Variants in NADK observed in about 807,000 individuals in gnomAD.
The protein encoded by NADK is poly(P)/ATP NAD kinase.
In NADK, 22 loss-of-function variants were observed where a neutral mutation model predicts 49.8. That is an observed-to-expected ratio of 0.44 (90% CI 0.32 to 0.63). The LOEUF (loss-of-function observed/expected upper bound fraction) is 0.63, where lower values mean the gene tolerates loss of function less well. Ranked by LOEUF, NADK falls within the 30% of genes least tolerant of loss-of-function variation. NADK has a pLI of 0.06. For synonymous variants in NADK, 268 were observed against 253.7 expected, an observed-to-expected ratio of 1.06 and a Z score of -0.54; for missense variants, 438 against 609.4, an observed-to-expected ratio of 0.72 and a Z score of 2.96.
chr1:1,753,761 C>T, intron 10 of NADK, 112 bp from the exon 11 acceptor site: 1 of 1,031,438 alleles, frequency 9.7e-7, no homozygotes, highest in Non-Finnish European at 1.4e-6. Flanking sequence ...CTGACCCTGC[C>T]TTGCGGACGG....
chr1:1,760,626 A>G (rs982497491), intron 3 of NADK, among the ~76,000 whole-genome samples: 2 of 152,072 alleles, frequency 1.3e-5, no homozygotes, highest in Non-Finnish European at 2.9e-5. Context: ...GCCCTTCCGC[A>G]TGGTCCTCCC....
chr1:1,771,096 T>G (rs1340517141), intron 1 of NADK, among the ~76,000 whole-genome samples: 1 of 146,222 alleles, frequency 6.8e-6, no homozygotes, highest in Admixed American at 6.9e-5. Context: ...ACACATATAT[T>G]ATTAAAAATA....
chr1:1,761,801 A>AT, intron 3 of NADK, 151 bp downstream of exon 3: 1 of 671,986 alleles, frequency 1.5e-6, no homozygotes, highest in South Asian at 1.8e-5. Context: ...TACTTCTCAC[A>AT]TGAAGTGCTA....
intron 3 of NADK, chr1:1,759,375 G>A: frequency 5.3e-6 from 7 of 1,312,926 alleles, no homozygotes; most frequent in Non-Finnish European, 7.1e-6. Context: ...GGGGTGGCGT[G>A]AAGCCAGCAT....
chr1:1,770,679 C>T (rs561889430), intron 1 of NADK, among the ~76,000 whole-genome samples: 33 of 152,138 alleles, frequency 2.2e-4, no homozygotes, highest in Non-Finnish European at 2.9e-4. Context: ...TTGCAGTGAG[C>T]GGAGATCGCA....
At chr1:1,767,123 G>C (rs910956370) in intron 1 of NADK, among the ~76,000 whole-genome samples, 1 of 151,666 alleles carries the variant, frequency 6.6e-6, no homozygotes, top group Non-Finnish European at 1.5e-5. Flanking sequence ...CACCATGTTG[G>C]CCAGGCTGGT....
intron 1 of NADK, among the ~76,000 whole-genome samples, chr1:1,777,419 T>C (rs1191828540): frequency 6.6e-6 from 1 of 152,096 alleles, no homozygotes; most frequent in Non-Finnish European, 1.5e-5. Context: ...AAGGCAAACA[T>C]GTCAGTTTCA....
At chr1:1,775,652 T>C (rs1192344192) in intron 1 of NADK, among the ~76,000 whole-genome samples, 3 of 152,236 alleles carry the variant, frequency 2.0e-5, no homozygotes, top group Non-Finnish European at 4.4e-5. Context: ...TGGGCAGTTC[T>C]GAATGGGAAG....
chr1:1,763,121 G>A (rs893076828), intron 2 of NADK, among the ~76,000 whole-genome samples: 3 of 152,264 alleles, frequency 2.0e-5, no homozygotes, highest in African/African-American at 7.2e-5. Context: ...GTGCCCTGAG[G>A]GCTGCTCCAC....
At chr1:1,759,035 C>G in intron 3 of NADK, 1 of 1,449,672 alleles carries the variant, frequency 6.9e-7, no homozygotes, top group East Asian at 2.6e-5. Context: ...CCGGCCTGGT[C>G]AGCCAGCAAA....
chr1:1,753,989 GC>G, intron 10 of NADK, 61 bp downstream of exon 10: 1 of 1,515,348 alleles, frequency 6.6e-7, no homozygotes, highest in East Asian at 2.3e-5. Flanking sequence ...CTAGGTCCCG[GC>G]TTTGTGTTGC....
intron 3 of NADK, chr1:1,759,054 C>A: frequency 6.7e-7 from 1 of 1,482,916 alleles, no homozygotes; most frequent in South Asian, 1.3e-5. Context: ...AAGCCCCCGC[C>A]CTGCACACGG....
rs773625251 is a variant in NADK at position 1,757,218 on chromosome 1, A to C, written c.356T>G (p.Leu119Arg). The part of the protein sequence containing the change: ...VIKKMRDASL[L>R]QPFKELCTHL... ...CGTGCAGAGCTCCTTGAACGGCTGC[A>C]GTAGGCTGGCATCTCTCATCTTCTT... The change falls in exon 4 of 12, where the codon CTG becomes CGG. Residue 119 changes from leucine to arginine, a missense_variant. By Grantham distance (102) the Leu-to-Arg change is moderately radical. Transcript: ENST00000341426. 1 of 1,596,008 alleles carries C rather than the reference A, an allele frequency of 6.3e-7. No homozygotes were observed. The highest frequency in any genetic ancestry group is 1.1e-5 in the South Asian group (1 of 90,724).
At chr1:1,776,008 G>A (rs1210485580) in intron 1 of NADK, among the ~76,000 whole-genome samples, 1 of 152,090 alleles carries the variant, frequency 6.6e-6, no homozygotes, top group Non-Finnish European at 1.5e-5. Flanking sequence ...AGGAGGCCCT[G>A]TACCTTCCTG....
At chr1:1,759,274 A>T in intron 3 of NADK, 1 of 1,542,422 alleles carries the variant, frequency 6.5e-7, no homozygotes, top group Non-Finnish European at 8.7e-7. Context: ...CCTTGCAGGC[A>T]CGCACGGCTG....
intron 2 of NADK, 50 bp from the exon 3 acceptor site, chr1:1,762,085 G>A: frequency 6.7e-7 from 1 of 1,495,488 alleles, no homozygotes; most frequent in Non-Finnish European, 9.3e-7. Flanking sequence ...AACCAGACAT[G>A]CAGTGACAGA....
Position 1,761,935 on chromosome 1 carries a change from G to A in NADK, c.263+17C>T, listed in dbSNP as rs779886127. ...CTCCCTTCCAAGAACCCCCCGTCCT[G>A]GGGCCCCAGCACTCACATGATGGTC... is the stretch of plus-strand genomic sequence containing the variant. On this transcript the variant is annotated intron_variant, in intron 3 of 11. Coordinates refer to ENST00000341426, the MANE Select transcript of NADK (RefSeq NM_023018.5). 6.2e-7 allele frequency: 1 copy of A among 1,613,114 alleles called. No homozygotes were observed.
At chr1:1,766,638 A>G (rs1320776004) in intron 1 of NADK, among the ~76,000 whole-genome samples, 4 of 151,634 alleles carry the variant, frequency 2.6e-5, no homozygotes, top group African/African-American at 7.3e-5. Flanking sequence ...TAAGCCTCAA[A>G]GAAAACTGGT....
At position 1,752,970 on chromosome 1, in the gene NADK, C is replaced by G. The variant is rs758501826; in HGVS notation, c.1275G>C (p.Leu425=). 6.1e-5 allele frequency: 97 copies of G among 1,601,176 alleles called. No homozygotes were observed. The highest frequency in any genetic ancestry group is 8.3e-5 in the Non-Finnish European group (97 of 1,174,396). ...SDWFESLAQC[L]HWNVRKKQAH... ...CTTGCTTCTTCCGGACGTTCCAATG[C>G]AGGCACTGGGCGAGGCTCTCAAACC... is the stretch of plus-strand genomic sequence containing the variant. The change falls in exon 12 of 12, where the codon CTG becomes CTC. Residue 425 remains leucine, a synonymous_variant. Coordinates refer to ENST00000341426, the MANE Select transcript of NADK (RefSeq NM_023018.5).
Sources: allele counts gnomAD v4.1 joint callset (sites outside exome capture counted in the v4.1 genomes callset), GRCh38; gene constraint gnomAD v4.1.1; transcripts MANE v1.5; gene names NCBI Gene and HGNC (gene_info 2026-07-23, HGNC 2026-07-21).